Variants in TRPM3 observed in about 807,000 individuals in gnomAD.
The protein encoded by TRPM3 is long transient receptor potential channel 3.
TRPM3 carries 77 observed loss-of-function variants against 181.2 expected under a neutral mutation model. The observed-to-expected ratio is 0.42, with a 90% CI of 0.35 to 0.51. The LOEUF (loss-of-function observed/expected upper bound fraction) is 0.51, where lower values mean the gene tolerates loss of function less well. Ranked by LOEUF, TRPM3 falls within the 20% of genes least tolerant of loss-of-function variation. The pLI, the probability that TRPM3 is intolerant of heterozygous loss-of-function variation, is 0.01. For missense variants in TRPM3, 1,759 were observed against 2,196.7 expected, an observed-to-expected ratio of 0.80 and a Z score of 3.98; for synonymous variants, 745 against 796.4, an observed-to-expected ratio of 0.94 and a Z score of 1.09.
At chr9:70,937,730 G>A (rs887285797) in intron 1 of TRPM3, among the ~76,000 whole-genome samples, 1 of 152,016 alleles carries the variant, frequency 6.6e-6, no homozygotes, top group Non-Finnish European at 1.5e-5. Flanking sequence ...TGTTTAACTG[G>A]GTGGACTTGA....
intron 8 of TRPM3, among the ~76,000 whole-genome samples, chr9:70,692,370 T>C (rs920886942): frequency 1.3e-5 from 2 of 152,208 alleles, no homozygotes; most frequent in African/African-American, 4.8e-5. Flanking sequence ...TAGCATTTAG[T>C]TTTAAAAATA....
chr9:70,959,731 G>A (rs566250705), intron 1 of TRPM3, among the ~76,000 whole-genome samples: 3 of 152,122 alleles, frequency 2.0e-5, no homozygotes, highest in East Asian at 1.9e-4. Context: ...TAACTCTTCC[G>A]CACCATTTTG....
At chr9:70,685,314 T>C (rs1321493135) in intron 8 of TRPM3, among the ~76,000 whole-genome samples, 1 of 152,194 alleles carries the variant, frequency 6.6e-6, no homozygotes, top group Non-Finnish European at 1.5e-5. Flanking sequence ...TCCAGAATTA[T>C]ATGGCAATGT....
At chr9:71,411,914 A>G (rs1393033753) in intron 1 of TRPM3, among the ~76,000 whole-genome samples, 1 of 152,214 alleles carries the variant, frequency 6.6e-6, no homozygotes, top group Non-Finnish European at 1.5e-5. Context: ...AGACCAACGG[A>G]ACAGAACAGA....
intron 4 of TRPM3, among the ~76,000 whole-genome samples, 167 bp downstream of exon 4, chr9:70,846,211 T>A (rs991700767): frequency 2.0e-5 from 3 of 152,196 alleles, no homozygotes; most frequent in African/African-American, 7.2e-5. Flanking sequence ...AAGAAATAAC[T>A]TTACAGTTCT....
chr9:71,055,800 TG>T (rs1463065588), intron 1 of TRPM3, among the ~76,000 whole-genome samples: 1 of 152,042 alleles, frequency 6.6e-6, no homozygotes, highest in African/African-American at 2.4e-5. Flanking sequence ...ATGAATGATT[TG>T]GGAGTAAACC....
intron 9 of TRPM3, 35 bp downstream of exon 9, chr9:70,681,471 T>G: frequency 6.3e-7 from 1 of 1,582,100 alleles, no homozygotes; most frequent in Non-Finnish European, 8.7e-7. Flanking sequence ...TTCGTTTAAA[T>G]TATTTTCACA....
chr9:70,956,400 A>G (rs1429985200), intron 1 of TRPM3, among the ~76,000 whole-genome samples: 1 of 150,128 alleles, frequency 6.7e-6, no homozygotes, highest in African/African-American at 2.5e-5. Context: ...AACAGGAAAT[A>G]TATGTAATCT....
At chr9:71,446,593 C>A in intron 1 of TRPM3, 1 of 1,511,366 alleles carries the variant, frequency 6.6e-7, no homozygotes, top group Non-Finnish European at 8.9e-7. Flanking sequence ...GGAAAGGGCT[C>A]AAGTCGCGTG....
intron 8 of TRPM3, among the ~76,000 whole-genome samples, chr9:70,755,116 G>T (rs1266963045): frequency 1.1e-4 from 16 of 152,082 alleles, no homozygotes; most frequent in African/African-American, 3.6e-4. Flanking sequence ...GAGATAAATT[G>T]TTGCTTCTTA....
chr9:70,692,702 TG>T (rs1225900007), intron 8 of TRPM3, among the ~76,000 whole-genome samples: 1 of 152,242 alleles, frequency 6.6e-6, no homozygotes, highest in Non-Finnish European at 1.5e-5. Context: ...TCTCGCTTCT[TG>T]GAAAAGGGGT....
chr9:70,911,575 T>C (rs2096538350), intron 1 of TRPM3, among the ~76,000 whole-genome samples: 1 of 152,238 alleles, frequency 6.6e-6, no homozygotes, highest in Non-Finnish European at 1.5e-5. Flanking sequence ...CATGACATTC[T>C]ACTAAAACCT....
intron 8 of TRPM3, among the ~76,000 whole-genome samples, chr9:70,683,422 T>G (rs2065952211): frequency 7.9e-6 from 1 of 126,494 alleles, no homozygotes. Context: ...TCTTTCTCTC[T>G]CTCTCCTTTT....
intron 1 of TRPM3, among the ~76,000 whole-genome samples, chr9:71,418,360 T>C (rs1183752566): frequency 2.0e-5 from 3 of 151,928 alleles, no homozygotes; most frequent in Non-Finnish European, 4.4e-5. Context: ...TTAAGGGAAC[T>C]GGAAGTTCAG....
In TRPM3 at chr9:70,532,609, A is replaced by AC. The variant is rs1388249155; in HGVS notation, c.*3343dup. ...ATAAAGTATATTGGTTAAGCAGGAG[A>AC]CCTCCATGGTCATTTTCATAAAACA... On this transcript the variant is annotated 3_prime_UTR_variant, in exon 26 of 26. Coordinates refer to ENST00000677713, the MANE Select transcript of TRPM3 (RefSeq NM_001366145.2). The AC allele has an allele frequency of 6.6e-6, 1 of 151,418 alleles. No homozygotes were observed. Among genetic ancestry groups the AC allele is most frequent in the Non-Finnish European group, 1.5e-5 (1 of 67,904 alleles). The allele number at this position is 151,418 out of a possible 1,614,324, so 9.4% of individuals were successfully genotyped here.
At chr9:71,048,762 G>A (rs1046219368) in intron 1 of TRPM3, among the ~76,000 whole-genome samples, 2 of 152,186 alleles carry the variant, frequency 1.3e-5, no homozygotes, top group African/African-American at 4.8e-5. Flanking sequence ...CATCAGGTGA[G>A]TGAAAAGCAG....
At chr9:70,777,803 A>T (rs1369384360) in intron 7 of TRPM3, among the ~76,000 whole-genome samples, 2 of 152,292 alleles carry the variant, frequency 1.3e-5, no homozygotes, top group African/African-American at 2.4e-5. Flanking sequence ...GCATTCAAAA[A>T]ATACCTAAGT....
At chr9:71,148,893 A>C (rs190129225) in intron 1 of TRPM3, among the ~76,000 whole-genome samples, 1 of 152,172 alleles carries the variant, frequency 6.6e-6, no homozygotes, top group Non-Finnish European at 1.5e-5. Flanking sequence ...GAAAAATAAT[A>C]TAAGTATCAA....
intron 1 of TRPM3, among the ~76,000 whole-genome samples, chr9:70,877,013 CTGTT>C (rs1316624821): frequency 1.3e-5 from 2 of 151,954 alleles, no homozygotes; most frequent in Non-Finnish European, 1.5e-5. Flanking sequence ...TTAAGCCTCA[CTGTT>C]TGTATTGTAC....
Sources: allele counts gnomAD v4.1 joint callset (sites outside exome capture counted in the v4.1 genomes callset), GRCh38; gene constraint gnomAD v4.1.1; transcripts MANE v1.5; gene names NCBI Gene and HGNC (gene_info 2026-07-23, HGNC 2026-07-21).